Variants in IQCM observed in about 807,000 individuals in gnomAD.
IQCM encodes the protein IQ motif containing M, also known as IQ domain-containing protein M.
IQCM carries 45 observed loss-of-function variants against 57.6 expected under a neutral mutation model. The ratio of observed to expected loss-of-function variants is 0.78; its 90% CI spans 0.62 to 1.00. IQCM has a LOEUF of 1.00. Ranked by LOEUF, IQCM falls within the 50% of genes least tolerant of loss-of-function variation. The pLI is 0.00. For synonymous variants in IQCM, 148 were observed against 158.9 expected (o/e 0.93, Z 0.51); for missense variants, 468 against 511.6 (o/e 0.91, Z 0.82).
chr4:149,698,091 C>T (rs1025206322), intron 5 of IQCM, among the ~76,000 whole-genome samples: 1 of 151,890 alleles, frequency 6.6e-6, no homozygotes, highest in Non-Finnish European at 1.5e-5. Flanking sequence ...TGTCTGAATA[C>T]TTTGTACTTC....
intron 13 of IQCM, among the ~76,000 whole-genome samples, chr4:149,368,972 ATGTG>A (rs1226703729): frequency 2.3e-5 from 1 of 43,172 alleles, no homozygotes; most frequent in Non-Finnish European, 4.9e-5. Context: ...GTATATATAT[ATGTG>A]TATATATATA....
chr4:149,695,368 G>A (rs1434060266), intron 5 of IQCM, among the ~76,000 whole-genome samples: 7 of 152,066 alleles, frequency 4.6e-5, no homozygotes, highest in East Asian at 3.9e-4. Flanking sequence ...CAAATACAGC[G>A]CTATGAAACT....
chr4:149,591,118 A>G (rs1191987556), intron 8 of IQCM, among the ~76,000 whole-genome samples: 4 of 152,050 alleles, frequency 2.6e-5, no homozygotes, highest in Admixed American at 2.6e-4. Flanking sequence ...CCTTTTCCCC[A>G]CATATTTTCT....
intron 7 of IQCM, among the ~76,000 whole-genome samples, chr4:149,651,523 CACAA>C (rs1306509867): frequency 6.6e-6 from 1 of 152,168 alleles, no homozygotes; most frequent in East Asian, 1.9e-4. Flanking sequence ...TACTGTCACA[CACAA>C]ACTTCCTTAC....
chr4:149,688,234 T>C (rs539455585), intron 5 of IQCM, among the ~76,000 whole-genome samples: 2 of 151,982 alleles, frequency 1.3e-5, no homozygotes, highest in South Asian at 2.1e-4. Context: ...CTAGAACTGA[T>C]AAAAAAATTT....
At chr4:149,614,627 A>AT (rs1252870037) in intron 8 of IQCM, among the ~76,000 whole-genome samples, 1 of 151,744 alleles carries the variant, frequency 6.6e-6, no homozygotes, top group Non-Finnish European at 1.5e-5. Context: ...ATTCTAGGGC[A>AT]TGGGTGTCCA....
At chr4:149,481,095 A>T (rs1437671917) in intron 12 of IQCM, among the ~76,000 whole-genome samples, 1 of 151,912 alleles carries the variant, frequency 6.6e-6, no homozygotes, top group Non-Finnish European at 1.5e-5. Context: ...CCCATTTTTT[A>T]TTAGATTATT....
At chr4:149,363,704 G>T (rs1729646079) in intron 13 of IQCM, among the ~76,000 whole-genome samples, 1 of 152,024 alleles carries the variant, frequency 6.6e-6, no homozygotes, top group Non-Finnish European at 1.5e-5. Flanking sequence ...ATTATAAGTT[G>T]CTAAAACATA....
At chr4:149,642,346 C>G (rs1409387614) in intron 7 of IQCM, among the ~76,000 whole-genome samples, 1 of 152,014 alleles carries the variant, frequency 6.6e-6, no homozygotes. Flanking sequence ...CAGCTTAGCA[C>G]AAACTGATAA....
intron 12 of IQCM, among the ~76,000 whole-genome samples, chr4:149,435,218 T>C (rs111752316): frequency 0.016 from 2,417 of 152,266 alleles, 76 homozygotes; most frequent in African/African-American, 0.056. Flanking sequence ...ATGTTGTTTC[T>C]ATCTGCTAAG....
chr4:149,786,182 GACTC>G (rs1180805818), intron 2 of IQCM, among the ~76,000 whole-genome samples: 1 of 152,114 alleles, frequency 6.6e-6, no homozygotes, highest in Non-Finnish European at 1.5e-5. Flanking sequence ...TGAGACATAT[GACTC>G]ACACAAAATT....
At chr4:149,398,076 G>A (rs1334729672) in intron 13 of IQCM, among the ~76,000 whole-genome samples, 2 of 151,940 alleles carry the variant, frequency 1.3e-5, no homozygotes, top group African/African-American at 4.8e-5. Context: ...TGTGTATGGT[G>A]TAAGAAAAAT....
At chr4:149,484,653 C>T (rs779150016) in intron 12 of IQCM, among the ~76,000 whole-genome samples, 20 of 151,790 alleles carry the variant, frequency 1.3e-4, no homozygotes, top group East Asian at 5.8e-4. Flanking sequence ...TATGTCTTAC[C>T]GTACTAAGTC....
chr4:149,485,798 G>T (rs944066960), intron 12 of IQCM, among the ~76,000 whole-genome samples: 15 of 152,098 alleles, frequency 9.9e-5, no homozygotes, highest in African/African-American at 3.6e-4. Context: ...GCATTGAAGA[G>T]TTGGGTATCT....
intron 8 of IQCM, among the ~76,000 whole-genome samples, chr4:149,618,421 G>C (rs528807173): frequency 2.1e-4 from 32 of 152,154 alleles, no homozygotes; most frequent in African/African-American, 6.7e-4. Flanking sequence ...CTAGGAAAAA[G>C]TCTTCTGGAC....
At chr4:149,368,831 T>C (rs10014032) in intron 13 of IQCM, among the ~76,000 whole-genome samples, 30,902 of 43,782 alleles carry the variant, frequency 0.71, 11,448 homozygotes, top group South Asian at 0.81. Context: ...TATATATACA[T>C]GTATATATAT....
chr4:149,546,057 G>GCACA (rs1748381836), intron 12 of IQCM, among the ~76,000 whole-genome samples: 1 of 152,146 alleles, frequency 6.6e-6, no homozygotes, highest in African/African-American at 2.4e-5. Flanking sequence ...CTATGAGTGA[G>GCACA]AACATGCGGT....
chr4:149,743,591 A>G (rs1244184529), intron 2 of IQCM, among the ~76,000 whole-genome samples: 1 of 152,178 alleles, frequency 6.6e-6, no homozygotes, highest in Non-Finnish European at 1.5e-5. Flanking sequence ...GTTTTTAAAT[A>G]TATGTCTAGA....
chr4:149,448,374 T>C (rs1304501708), intron 12 of IQCM, among the ~76,000 whole-genome samples: 1 of 151,518 alleles, frequency 6.6e-6, no homozygotes, highest in Non-Finnish European at 1.5e-5. Flanking sequence ...TTGAAACCTA[T>C]AGTACAAATG....
Sources: gnomAD v4.1 joint callset for allele counts (sites outside exome capture counted in the v4.1 genomes callset) on GRCh38, gnomAD v4.1.1 for gene constraint, MANE v1.5 for transcripts, NCBI Gene and HGNC (gene_info 2026-07-23, HGNC 2026-07-21) for gene names.